The following DPYD variants were observed in gnomAD, a reference collection of about 807,000 sequenced individuals.
DPYD encodes the protein dihydropyrimidine dehydrogenase [NADP(+)].
Under a neutral mutation model 116.2 loss-of-function variants are expected in DPYD, and 109 were observed. The observed-to-expected ratio is 0.94, with a 90% confidence interval of 0.80 to 1.10. DPYD has a LOEUF of 1.10. DPYD is among the 50% of genes least tolerant of loss of function. DPYD has a pLI of 0.00. For missense variants in DPYD, 1,302 were observed against 1,254.5 expected, an observed-to-expected ratio of 1.04 and a Z score of -0.57; for synonymous variants, 440 against 432.0, an observed-to-expected ratio of 1.02 and a Z score of -0.23.
In DPYD at chr1:97,347,881, T is replaced by G. The variant is rs373322940; in HGVS notation, c.2058+25680A>C. On this transcript the variant is annotated intron_variant, in intron 16 of 22. Transcript: ENST00000370192. ...TCATTTTTTTTGCTATAGTCTGTAATAGCTTAAAACCTTTCCTCCTGCATT... is the reference window on the plus strand; with the variant it reads ...TCATTTTTTTTGCTATAGTCTGTAAGAGCTTAAAACCTTTCCTCCTGCATT... Among the ~76,000 whole-genome samples, 11 of 152,242 alleles carry G rather than the reference T, an allele frequency of 7.2e-5. No individual in the cohort carries two copies. The East Asian group carries it at 1.5e-3, about 21-fold the overall frequency.
At chr1:97,339,139 A>T (rs1272195207) in intron 16 of DPYD, among the ~76,000 whole-genome samples, 1 of 152,182 alleles carries the variant, frequency 6.6e-6, no homozygotes, top group African/African-American at 2.4e-5. Flanking sequence ...AAAGGGACAA[A>T]GAAGGAAATT....
intron 11 of DPYD, among the ~76,000 whole-genome samples, chr1:97,555,384 T>C (rs374098588): frequency 2.0e-5 from 3 of 152,160 alleles, no homozygotes; most frequent in Admixed American, 6.6e-5. Flanking sequence ...CCTTTTATTC[T>C]GGAACTTCTG....
intron 16 of DPYD, among the ~76,000 whole-genome samples, chr1:97,307,542 A>G (rs1272221304): frequency 6.6e-6 from 1 of 151,866 alleles, no homozygotes; most frequent in African/African-American, 2.4e-5. Flanking sequence ...TACTGCAATG[A>G]GGTAATTTCT....
intron 12 of DPYD, among the ~76,000 whole-genome samples, chr1:97,548,641 C>A (rs1024228302): frequency 2.6e-5 from 4 of 152,070 alleles, no homozygotes; most frequent in Non-Finnish European, 4.4e-5. Flanking sequence ...GGGGCTGAGG[C>A]ATAAGAATTG....
At chr1:97,214,419 G>T (rs534720532) in intron 19 of DPYD, among the ~76,000 whole-genome samples, 1 of 152,214 alleles carries the variant, frequency 6.6e-6, no homozygotes, top group South Asian at 2.1e-4. Flanking sequence ...AAAGAAGTAG[G>T]CCAATGAATA....
chr1:97,697,816 A>G (rs1661389425), intron 6 of DPYD, among the ~76,000 whole-genome samples: 4 of 152,192 alleles, frequency 2.6e-5, no homozygotes, highest in African/African-American at 9.6e-5. Context: ...TTGGCAATAC[A>G]TAGTAAGTTA....
At chr1:97,764,076 C>T (rs1239344645) in intron 3 of DPYD, among the ~76,000 whole-genome samples, 1 of 150,944 alleles carries the variant, frequency 6.6e-6, no homozygotes. Flanking sequence ...TGGCATGAGA[C>T]GGGAGGAAAG....
intron 5 of DPYD, among the ~76,000 whole-genome samples, chr1:97,708,869 T>C (rs1239400762): frequency 6.6e-6 from 1 of 151,968 alleles, no homozygotes; most frequent in Non-Finnish European, 1.5e-5. Context: ...TAGATTTATA[T>C]CTAAGTATTT....
At chr1:97,145,884 T>C (rs568868476) in intron 20 of DPYD, among the ~76,000 whole-genome samples, 5 of 151,624 alleles carry the variant, frequency 3.3e-5, no homozygotes, top group Admixed American at 2.0e-4. Flanking sequence ...TTAACATGAA[T>C]ACATTGCTTT....
intron 18 of DPYD, among the ~76,000 whole-genome samples, chr1:97,262,127 T>C (rs1026163586): frequency 5.3e-5 from 8 of 152,100 alleles, no homozygotes; most frequent in South Asian, 4.2e-4. Context: ...TCTTGAATAA[T>C]AGCAATACCC....
At chr1:97,683,524 A>G (rs1323470088) in intron 7 of DPYD, among the ~76,000 whole-genome samples, 1 of 151,922 alleles carries the variant, frequency 6.6e-6, no homozygotes, top group South Asian at 2.1e-4. Context: ...ACATATTTTA[A>G]ATATGCAAAA....
intron 20 of DPYD, among the ~76,000 whole-genome samples, chr1:97,156,725 T>C (rs1655489421): frequency 6.6e-6 from 1 of 151,920 alleles, no homozygotes; most frequent in Non-Finnish European, 1.5e-5. Flanking sequence ...CTCAGGGACC[T>C]AGAACTAGAA....
At chr1:97,421,318 C>A (rs760780354) in intron 14 of DPYD, among the ~76,000 whole-genome samples, 5 of 152,108 alleles carry the variant, frequency 3.3e-5, no homozygotes, top group Non-Finnish European at 7.3e-5. Context: ...CACCAAGGAT[C>A]TTACTTCCAG....
intron 18 of DPYD, among the ~76,000 whole-genome samples, chr1:97,256,192 C>T (rs778042496): frequency 3.3e-5 from 5 of 152,050 alleles, no homozygotes; most frequent in South Asian, 4.1e-4. Flanking sequence ...CTAATAAAAG[C>T]GCTAGTAAAA....
At chr1:97,736,247 G>T (rs6695791) in intron 4 of DPYD, among the ~76,000 whole-genome samples, 1,967 of 151,938 alleles carry the variant, frequency 0.013, 36 homozygotes, top group African/African-American at 0.045. Context: ...TAGTAGCATT[G>T]TATGATAAAA....
chr1:97,611,162 A>G (rs1356192095), intron 8 of DPYD, among the ~76,000 whole-genome samples: 1 of 152,144 alleles, frequency 6.6e-6, no homozygotes, highest in African/African-American at 2.4e-5. Context: ...TCATGCCAGA[A>G]GGCAAGGAGG....
At chr1:97,348,318 C>G (rs61787982) in intron 16 of DPYD, among the ~76,000 whole-genome samples, 1 of 152,066 alleles carries the variant, frequency 6.6e-6, no homozygotes, top group Non-Finnish European at 1.5e-5. Context: ...TGAATGCTGT[C>G]GAATCGTAAT....
rs1425643142 is a variant in DPYD at position 97,515,814 on chromosome 1, G to A, written c.1652C>T (p.Ala551Val). The change falls in exon 13 of 23, where the codon GCA becomes GTA. Residue 551 changes from alanine (A) to valine (V), a missense_variant. Coordinates refer to ENST00000370192, the MANE Select transcript of DPYD (RefSeq NM_000110.4). ...CATTGATGTGCTGGTGGCTGGAGTT[G>A]CGCTAGCAAGACCAAAAGGATTTAT... ...KFINPFGLAS[A>V]TPATSTSMIR... 6.2e-7 allele frequency: 1 copy of A among 1,612,906 alleles called. No homozygotes were observed. The highest frequency in any genetic ancestry group is 2.2e-5 in the East Asian group (1 of 44,834).
rs141707044 is a variant in DPYD, at chr1:97,761,874, A to T, written c.234-21395T>A. On this transcript the variant is annotated intron_variant, in intron 3 of 22. Transcript: ENST00000370192. ...TTTGCAGAAATATGGATGGAGCTGA[A>T]GGCCATTATCCTAGGCAAACACACA... is the stretch of plus-strand genomic sequence containing the variant. Among the ~76,000 whole-genome samples the T allele has an allele frequency of 6.9e-3, 1,047 of 152,262 alleles. 12 individuals carry two copies. The highest frequency in any genetic ancestry group is 0.023 in the African/African-American group (956 of 41,558).
Sources: allele counts gnomAD v4.1 joint callset (sites outside exome capture counted in the v4.1 genomes callset), GRCh38; gene constraint gnomAD v4.1.1; transcripts MANE v1.5; gene names NCBI Gene and HGNC (gene_info 2026-07-23, HGNC 2026-07-21).